Variants in SMYD3 observed in about 807,000 individuals in gnomAD.
SMYD3 encodes the protein histone-lysine N-methyltransferase SMYD3.
SMYD3 carries 36 observed loss-of-function variants against 57.7 expected under a neutral mutation model. The observed-to-expected ratio is 0.62, with a 90% confidence interval of 0.48 to 0.82. The LOEUF is 0.82. SMYD3 is among the 40% of genes least tolerant of loss of function. The pLI is 0.00. For missense variants in SMYD3, 515 were observed against 538.8 expected (o/e 0.96, Z 0.44); for synonymous variants, 211 against 195.0 (o/e 1.08, Z -0.68).
At chr1:246,438,052 C>G (rs2067405978) in intron 1 of SMYD3, among the ~76,000 whole-genome samples, 1 of 135,960 alleles carries the variant, frequency 7.4e-6, no homozygotes, top group African/African-American at 2.5e-5. Flanking sequence ...GTTTTAAGAT[C>G]AAAGATCAAA....
intron 5 of SMYD3, among the ~76,000 whole-genome samples, chr1:246,258,541 G>GC (rs952917940): frequency 1.4e-4 from 22 of 152,056 alleles, no homozygotes; most frequent in African/African-American, 3.6e-4. Flanking sequence ...GCTGAAAATA[G>GC]CCCCCCCAAC....
chr1:245,919,632 C>G lies in SMYD3; in HGVS notation c.703-3992G>C, dbSNP rs4654169. ...TGGGAAAAAACAGCCAGATTACTAA[C>G]TGGTAATGACAGCTAAAATCATGTT... On this transcript the variant is annotated intron_variant, in intron 7 of 11. Coordinates refer to ENST00000490107, the MANE Select transcript of SMYD3 (RefSeq NM_001167740.2). Among the ~76,000 whole-genome samples the G allele has an allele frequency of 7.5e-3, 1,138 of 152,268 alleles. 5 individuals carry two copies. The highest frequency in any genetic ancestry group is 0.014 in the South Asian group (66 of 4,822).
intron 10 of SMYD3, among the ~76,000 whole-genome samples, chr1:245,840,751 A>G (rs923491714): frequency 3.4e-4 from 40 of 117,810 alleles, no homozygotes; most frequent in African/African-American, 1.2e-3. Context: ...AGACATGGTT[A>G]AAAAAAAAAA....
chr1:245,793,094 A>G (rs11579429), intron 10 of SMYD3, among the ~76,000 whole-genome samples: 104,678 of 144,252 alleles, frequency 0.73, 38,369 homozygotes, highest in African/African-American at 0.77. Context: ...GTGATCACGA[A>G]ATCAGGAGAT....
At chr1:245,863,738 G>A (rs2148493444) in intron 9 of SMYD3, 61 bp downstream of exon 9, 1 of 1,496,442 alleles carries the variant, frequency 6.7e-7, no homozygotes, top group East Asian at 2.3e-5. Flanking sequence ...TTACGACAGG[G>A]CTTCAAGAAA....
intron 5 of SMYD3, among the ~76,000 whole-genome samples, chr1:246,214,437 A>G (rs1460508256): frequency 6.6e-6 from 1 of 152,222 alleles, no homozygotes; most frequent in Non-Finnish European, 1.5e-5. Flanking sequence ...GAGGTAAAAC[A>G]AAGGAAAAAA....
At chr1:246,246,527 G>C (rs987623341) in intron 5 of SMYD3, among the ~76,000 whole-genome samples, 12 of 152,106 alleles carry the variant, frequency 7.9e-5, no homozygotes, top group African/African-American at 2.9e-4. Flanking sequence ...AACTTTTGAA[G>C]AGTGAATTGT....
At chr1:245,829,481 A>C (rs1049494286) in intron 10 of SMYD3, among the ~76,000 whole-genome samples, 1 of 152,180 alleles carries the variant, frequency 6.6e-6, no homozygotes, top group Non-Finnish European at 1.5e-5. Context: ...GACATGTAAT[A>C]ACAAGTGGTA....
At chr1:246,145,917 G>A (rs939832145) in intron 5 of SMYD3, among the ~76,000 whole-genome samples, 1 of 152,220 alleles carries the variant, frequency 6.6e-6, no homozygotes, top group African/African-American at 2.4e-5. Flanking sequence ...TTAAGGAGTA[G>A]AGGAAGGAAT....
At chr1:246,291,439 C>G (rs930085772) in intron 5 of SMYD3, among the ~76,000 whole-genome samples, 2 of 152,188 alleles carry the variant, frequency 1.3e-5, no homozygotes, top group Admixed American at 6.5e-5. Context: ...CTTCTCAATA[C>G]TAGTTGTTGC....
intron 1 of SMYD3, among the ~76,000 whole-genome samples, chr1:246,409,477 G>C (rs1057247734): frequency 4.1e-4 from 63 of 152,310 alleles, no homozygotes; most frequent in Middle Eastern, 6.8e-3. Flanking sequence ...TCAAAGATGA[G>C]ATAGTTGTAG....
intron 10 of SMYD3, among the ~76,000 whole-genome samples, chr1:245,804,707 T>C (rs1340843940): frequency 6.6e-6 from 1 of 152,184 alleles, no homozygotes; most frequent in African/African-American, 2.4e-5. Context: ...TTAGGCCCCT[T>C]TTTTGCCCTT....
chr1:245,770,901 G>A (rs1413626602), intron 10 of SMYD3, among the ~76,000 whole-genome samples: 2 of 152,126 alleles, frequency 1.3e-5, no homozygotes, highest in Non-Finnish European at 2.9e-5. Context: ...GAAAGAATTA[G>A]TGAACTGCAA....
At chr1:246,124,299 G>T (rs1415249927) in intron 5 of SMYD3, among the ~76,000 whole-genome samples, 1 of 152,134 alleles carries the variant, frequency 6.6e-6, no homozygotes, top group South Asian at 2.1e-4. Flanking sequence ...TGTGGAGTTG[G>T]CCAAAGTGAC....
At chr1:245,833,971 T>C (rs527329542) in intron 10 of SMYD3, among the ~76,000 whole-genome samples, 31 of 152,378 alleles carry the variant, frequency 2.0e-4, no homozygotes, top group Admixed American at 5.2e-4. Flanking sequence ...ACATGGGCTT[T>C]TTATTTTAGA....
intron 5 of SMYD3, among the ~76,000 whole-genome samples, chr1:246,082,825 T>C (rs966980207): frequency 6.6e-6 from 1 of 152,102 alleles, no homozygotes; most frequent in African/African-American, 2.4e-5. Flanking sequence ...CCCCCAACCC[T>C]GTGCTCCCTG....
intron 4 of SMYD3, among the ~76,000 whole-genome samples, chr1:246,329,315 A>C (rs1346544361): frequency 1.3e-5 from 2 of 152,148 alleles, no homozygotes; most frequent in East Asian, 1.9e-4. Context: ...CAACAGTGTA[A>C]AAGTGTTCCT....
rs35432668 is a variant in SMYD3 at position 245,988,107 on chromosome 1, AACACACAC to A, written c.532-58178_532-58171del. 2.5e-3 allele frequency among the ~76,000 whole-genome samples: 369 copies of A among 148,742 alleles called. 1 individual carries two copies. The highest frequency in any genetic ancestry group is 3.8e-3 in the Non-Finnish European group (254 of 66,822). ...GTTATTAAACAGACAAACCAAACCA[AACACACAC>A]ACACACACACACACACACACACACA... On this transcript the variant is annotated intron_variant, in intron 5 of 11. Coordinates refer to ENST00000490107, the MANE Select transcript of SMYD3 (RefSeq NM_001167740.2).
intron 5 of SMYD3, among the ~76,000 whole-genome samples, chr1:246,220,716 T>C (rs2063240097): frequency 6.6e-6 from 1 of 152,184 alleles, no homozygotes; most frequent in Admixed American, 6.5e-5. Context: ...GGCTGGGGGC[T>C]GGGCTGCCAG....
Sources: gnomAD v4.1 joint callset for allele counts (sites outside exome capture counted in the v4.1 genomes callset) on GRCh38, gnomAD v4.1.1 for gene constraint, MANE v1.5 for transcripts, NCBI Gene and HGNC (gene_info 2026-07-23, HGNC 2026-07-21) for gene names.